SSUH2: variants seen among roughly 807,000 people sequenced by gnomAD.
SSUH2 encodes protein SSUH2 homolog.
A neutral mutation model predicts 55.3 loss-of-function variants in SSUH2; 47 were observed. The ratio of observed to expected loss-of-function variants is 0.85; its 90% CI spans 0.67 to 1.08. The LOEUF is 1.08. SSUH2 is among the 50% of genes least tolerant of loss of function. The pLI is 0.00. For synonymous variants in SSUH2, 212 were observed against 191.5 expected, an observed-to-expected ratio of 1.11 and a Z score of -0.89; for missense variants, 535 against 490.7, an observed-to-expected ratio of 1.09 and a Z score of -0.85.
intron 8 of SSUH2, among the ~76,000 whole-genome samples, chr3:8,626,537 G>GCCCCCCCCCCCCCCCCCCCCCCCC (rs58662232): frequency 9.3e-6 from 1 of 107,654 alleles, no homozygotes; most frequent in Non-Finnish European, 1.9e-5. Flanking sequence ...TCTAGGGCCT[G>GCCCCCCCCCCCCCCCCCCCCCCCC]CCCCCCCCCC....
chr3:8,672,219 T>C (rs1704661764), intron 3 of SSUH2, among the ~76,000 whole-genome samples: 1 of 151,996 alleles, frequency 6.6e-6, no homozygotes, highest in Admixed American at 6.6e-5. Flanking sequence ...TGGGGTGGTG[T>C]ACACTTTCTG....
chr3:8,628,091 G>C (rs951998373), intron 7 of SSUH2, among the ~76,000 whole-genome samples: 1 of 152,154 alleles, frequency 6.6e-6, no homozygotes. Context: ...GGACACAGGC[G>C]CTGGTCAGGG....
At chr3:8,652,777 G>T (rs1702554629) in intron 7 of SSUH2, among the ~76,000 whole-genome samples, 1 of 152,086 alleles carries the variant, frequency 6.6e-6, no homozygotes, top group South Asian at 2.1e-4. Context: ...CATGCTCCAA[G>T]GACCATCTCA....
chr3:8,633,711 A>G lies in SSUH2; in HGVS notation c.294T>C (p.Ala98=). The G allele has an allele frequency of 2.6e-6, 4 of 1,551,610 alleles. No individual in the cohort carries two copies. Among genetic ancestry groups the G allele is most frequent in the South Asian group, 1.2e-5 (1 of 81,550 alleles). The change falls in exon 4 of 12, where the codon GCT becomes GCC. Residue 98 remains alanine (A), a synonymous_variant. Transcript: ENST00000544814. ...DSKCCYSSTV[A]GDLVIQELKR... is the part of the protein sequence containing the mutation. ...TCAGCTCCTGGATGACGAGGTCTCCAGCCACCGTGCTGCTGTAGCAGCACT... is the reference window on the plus strand; with the variant it reads ...TCAGCTCCTGGATGACGAGGTCTCCGGCCACCGTGCTGCTGTAGCAGCACT...
chr3:8,657,469 T>C (rs1703050033), intron 7 of SSUH2, among the ~76,000 whole-genome samples: 1 of 147,796 alleles, frequency 6.8e-6, no homozygotes, highest in African/African-American at 2.4e-5. Flanking sequence ...GGAAGTTCTC[T>C]AGCACTGACA....
chr3:8,680,082 T>C (rs1219138242), intron 1 of SSUH2, among the ~76,000 whole-genome samples: 2 of 152,176 alleles, frequency 1.3e-5, no homozygotes, highest in African/African-American at 4.8e-5. Flanking sequence ...TTTTCCGTTG[T>C]ATGCATCAGA....
chr3:8,627,863 C>G, intron 7 of SSUH2, 80 bp from the exon 8 acceptor site: 3 of 1,327,070 alleles, frequency 2.3e-6, no homozygotes, highest in Non-Finnish European at 3.1e-6. Context: ...TGGTTCAAAT[C>G]CCAGCCTGGT....
In SSUH2 at chr3:8,676,605, G is replaced by T. The variant is rs1705306215; in HGVS notation, c.-753+601C>A. On this transcript the variant is annotated intron_variant, in intron 3 of 18. Coordinates refer to the SSUH2 transcript ENST00000317371. ...TATTAGGAAGAATATCACAGCGTGG[G>T]TGTACACATCGTGCTCTATTATGGG... Among the ~76,000 whole-genome samples the T allele has an allele frequency of 1.3e-5, 2 of 151,092 alleles. 1 individual carries two copies. Among genetic ancestry groups the T allele is most frequent in the African/African-American group, 4.9e-5 (2 of 41,064 alleles).
At chr3:8,674,227 G>A (rs1192823625) in intron 3 of SSUH2, among the ~76,000 whole-genome samples, 1 of 152,246 alleles carries the variant, frequency 6.6e-6, no homozygotes, top group African/African-American at 2.4e-5. Context: ...GGGAAGGGGG[G>A]CCCTGGGAAA....
intron 7 of SSUH2, among the ~76,000 whole-genome samples, chr3:8,657,978 AG>A (rs1703098903): frequency 6.6e-6 from 1 of 152,216 alleles, no homozygotes; most frequent in Non-Finnish European, 1.5e-5. Flanking sequence ...GACAACTCCA[AG>A]GCTGGCCCTC....
At chr3:8,674,862 C>G (rs1353441950) in intron 3 of SSUH2, among the ~76,000 whole-genome samples, 2 of 142,382 alleles carry the variant, frequency 1.4e-5, no homozygotes, top group East Asian at 4.3e-4. Context: ...CAAGCGGTGG[C>G]CAAGGGTCCG....
At chr3:8,647,598 T>C (rs1701865756), upstream of SSUH2, among the ~76,000 whole-genome samples, 1 of 152,188 alleles carries the variant, frequency 6.6e-6, no homozygotes, top group South Asian at 2.1e-4. Flanking sequence ...GGTTATTTCT[T>C]TTTGTCTCAG....
chr3:8,651,065 C>T (rs1222288673), intron 7 of SSUH2, among the ~76,000 whole-genome samples: 1 of 152,228 alleles, frequency 6.6e-6, no homozygotes, highest in Non-Finnish European at 1.5e-5. Flanking sequence ...CTCCGTTTCT[C>T]CCTTCCTTCC....
intron 7 of SSUH2, among the ~76,000 whole-genome samples, chr3:8,658,474 T>C (rs547767251): frequency 7.2e-4 from 109 of 152,316 alleles, no homozygotes; most frequent in African/African-American, 2.5e-3. Flanking sequence ...CCAGCCTCCA[T>C]TGGCGACTGG....
intron 6 of SSUH2, chr3:8,663,597 T>G: frequency 3.8e-6 from 1 of 265,808 alleles, no homozygotes; most frequent in South Asian, 3.3e-5. Context: ...GGGTGTGATA[T>G]CTCCAGCCCA....
intron 2 of SSUH2, among the ~76,000 whole-genome samples, chr3:8,678,487 A>ATTGGCGGG (rs1559563299): frequency 1.5e-5 from 2 of 133,862 alleles, no homozygotes; most frequent in African/African-American, 2.6e-5. Context: ...CCCCCATTGC[A>ATTGGCGGG]AGGGGGTGAG....
intron 7 of SSUH2, among the ~76,000 whole-genome samples, chr3:8,654,160 T>C (rs1319494748): frequency 6.6e-6 from 1 of 152,228 alleles, no homozygotes; most frequent in East Asian, 1.9e-4. Context: ...CTTCTTGCTA[T>C]GCCCTCATGT....
chr3:8,644,666 C>A, intron 1 of SSUH2, 65 bp downstream of exon 1: 5 of 1,414,054 alleles, frequency 3.5e-6, no homozygotes, highest in Non-Finnish European at 4.8e-6. Flanking sequence ...AGATTAGGTC[C>A]TCTTCAAATG....
At chr3:8,633,627 C>T (rs933175497) in intron 4 of SSUH2, 39 bp downstream of exon 4, 4 of 1,470,604 alleles carry the variant, frequency 2.7e-6, no homozygotes, top group Middle Eastern at 2.6e-4. Context: ...AGCTCCCCAG[C>T]CCCCCGGCCA....
Sources: gnomAD v4.1 joint callset for allele counts (sites outside exome capture counted in the v4.1 genomes callset) on GRCh38, gnomAD v4.1.1 for gene constraint, MANE v1.5 for transcripts, NCBI Gene and HGNC (gene_info 2026-07-23, HGNC 2026-07-21) for gene names.